Variants in IMPG1 observed in about 807,000 individuals in gnomAD.
IMPG1 encodes interphotoreceptor matrix proteoglycan 1, also known as interphotoreceptor matrix proteoglycan of 150 kDa.
IMPG1 carries 85 observed loss-of-function variants against 92.0 expected under a neutral mutation model. The ratio of observed to expected loss-of-function variants is 0.92; its 90% CI spans 0.78 to 1.11. The LOEUF is 1.11. Ranked by LOEUF, IMPG1 falls within the 50% of genes least tolerant of loss-of-function variation. The pLI, the probability that IMPG1 is intolerant of heterozygous loss-of-function variation, is 0.00. For missense variants in IMPG1, 1,022 were observed against 956.0 expected, an observed-to-expected ratio of 1.07 and a Z score of -0.91; for synonymous variants, 367 against 334.1, an observed-to-expected ratio of 1.10 and a Z score of -1.08.
rs1365352844 is a variant in IMPG1, at chr6:76,005,297, C to T, written c.1125G>A (p.Gln375=). Reference sequence around the variant, plus strand: ...CAATCATTAACTGACCATCAGTGAACTGAATTGTCCCCACATCCAAAGATT... The same window carrying T: ...CAATCATTAACTGACCATCAGTGAATTGAATTGTCCCCACATCCAAAGATT... ...EEQSLDVGTI[Q]FTDEIAGSLP... The change falls in exon 10 of 17, where the codon CAG becomes CAA. Residue 375 remains glutamine (Q), a synonymous_variant. Transcript: ENST00000369950. The T allele has an allele frequency of 6.2e-7, 1 of 1,613,918 alleles. No homozygotes were observed. Among genetic ancestry groups the T allele is most frequent in the South Asian group, 1.1e-5 (1 of 91,062 alleles).
At position 76,050,072 on chromosome 6, in the gene IMPG1, A is replaced by G. The variant is rs752652192; in HGVS notation, c.68-7946T>C. The stretch of plus-strand genomic sequence containing the variant: ...TTCAAACATTACTTTATCCTAAAAA[A>G]CAGTCAAATCTGCCCAAGGATGTGA... On this transcript the variant is annotated intron_variant, in intron 1 of 16. Coordinates refer to ENST00000369950, the MANE Select transcript of IMPG1 (RefSeq NM_001563.4). 2.0e-5 allele frequency among the ~76,000 whole-genome samples: 3 copies of G among 152,174 alleles called. No homozygotes were observed. The East Asian group carries it at 5.8e-4, about 29-fold the overall frequency.
At chr6:76,005,796 G>A (rs1197404671) in intron 9 of IMPG1, among the ~76,000 whole-genome samples, 1 of 151,854 alleles carries the variant, frequency 6.6e-6, no homozygotes, top group Non-Finnish European at 1.5e-5. Flanking sequence ...ACTGAATCAA[G>A]TGACCATAGA....
rs1346315449 is a variant in IMPG1 at position 76,035,567 on chromosome 6, A to G, written c.302-780T>C. On this transcript the variant is annotated intron_variant, in intron 2 of 16. Coordinates refer to ENST00000369950, the MANE Select transcript of IMPG1 (RefSeq NM_001563.4). ...GAACACAGATTGTGTAGGGTTTTGC[A>G]GACCAGCAGTCTCCAAACTGGAGTG... 3.3e-5 allele frequency among the ~76,000 whole-genome samples: 5 copies of G among 151,884 alleles called. No homozygotes were observed. In the East Asian group the frequency reaches 9.7e-4, roughly 29 times the overall value.
At chr6:75,953,369 C>A (rs1782066646) in intron 12 of IMPG1, among the ~76,000 whole-genome samples, 1 of 152,008 alleles carries the variant, frequency 6.6e-6, no homozygotes, top group Non-Finnish European at 1.5e-5. Context: ...CTGCATTCAT[C>A]AACACATCAT....
intron 4 of IMPG1, among the ~76,000 whole-genome samples, chr6:76,032,943 G>C (rs1413358978): frequency 2.6e-5 from 4 of 152,200 alleles, no homozygotes; most frequent in Admixed American, 2.6e-4. Flanking sequence ...TTCTGCCTCA[G>C]TGAAAGTTCT....
At chr6:75,975,516 T>G (rs1027146852) in intron 12 of IMPG1, among the ~76,000 whole-genome samples, 7 of 152,220 alleles carry the variant, frequency 4.6e-5, no homozygotes, top group African/African-American at 1.7e-4. Context: ...TTGTTGTCTC[T>G]CACTGAGCTA....
At chr6:75,974,824 C>A (rs748487417) in intron 12 of IMPG1, among the ~76,000 whole-genome samples, 42 of 151,982 alleles carry the variant, frequency 2.8e-4, no homozygotes, top group Non-Finnish European at 5.7e-4. Context: ...CCGGGATTTT[C>A]TTAATTGCAA....
At chr6:76,068,316 A>G (rs1784346114) in intron 1 of IMPG1, among the ~76,000 whole-genome samples, 1 of 152,136 alleles carries the variant, frequency 6.6e-6, no homozygotes, top group Non-Finnish European at 1.5e-5. Flanking sequence ...AGACTCCTAG[A>G]TTTGACAGAT....
chr6:76,021,273 C>T (rs566577305), intron 6 of IMPG1, among the ~76,000 whole-genome samples: 3 of 152,252 alleles, frequency 2.0e-5, no homozygotes, highest in Admixed American at 6.5e-5. Flanking sequence ...CAAATTGTCT[C>T]GCCTTTCTGT....
intron 12 of IMPG1, among the ~76,000 whole-genome samples, chr6:75,984,498 G>A (rs997697335): frequency 6.6e-6 from 1 of 152,190 alleles, no homozygotes; most frequent in African/African-American, 2.4e-5. Flanking sequence ...GACTTACACT[G>A]TATGAGGAAT....
chr6:76,032,463 A>C (rs1327795992), intron 4 of IMPG1, among the ~76,000 whole-genome samples: 5 of 152,208 alleles, frequency 3.3e-5, no homozygotes, highest in Admixed American at 3.3e-4. Flanking sequence ...TAAAATCTAT[A>C]AAAGAGTGGC....
chr6:76,027,559 G>T (rs1277728049), intron 4 of IMPG1, among the ~76,000 whole-genome samples: 1 of 152,144 alleles, frequency 6.6e-6, no homozygotes, highest in Non-Finnish European at 1.5e-5. Flanking sequence ...TAGGGTTAAA[G>T]GATTGTATTA....
rs2149451295 is a variant in IMPG1, at chr6:75,933,849, G to C, written c.2045-2698C>G. On this transcript the variant is annotated intron_variant, in intron 14 of 16. Coordinates refer to ENST00000369950, the MANE Select transcript of IMPG1 (RefSeq NM_001563.4). Reference sequence around the variant, plus strand: ...GCACAGTGCCAGGCACTTTCAACATGTGTCTTCAATAATATTCACAGCACC... The same window carrying C: ...GCACAGTGCCAGGCACTTTCAACATCTGTCTTCAATAATATTCACAGCACC... Among the ~76,000 whole-genome samples, 2 of 152,316 alleles carry C rather than the reference G, an allele frequency of 1.3e-5. 1 individual carries two copies. The highest frequency in any genetic ancestry group is 4.1e-4 in the South Asian group (2 of 4,830).
Position 75,931,063 on chromosome 6 carries a change from G to A in IMPG1, c.2133C>T (p.Arg711=). The A allele has an allele frequency of 1.2e-6, 2 of 1,614,198 alleles. No homozygotes were observed. The highest frequency in any genetic ancestry group is 1.7e-6 in the Non-Finnish European group (2 of 1,180,038). Residue 711 remains arginine, a synonymous_variant, in exon 15 of 17, where the codon CGC becomes CGT. Coordinates refer to ENST00000369950, the MANE Select transcript of IMPG1 (RefSeq NM_001563.4). The part of the protein sequence containing the change: ...KNERTEEAEC[R]CKPGYDSQGS... ...CCTGGCTGTCATATCCTGGTTTGCA[G>A]CGACACTCCGCTTCCTCAGTCCGTT...
At chr6:76,017,341 C>T (rs1562371170) in intron 7 of IMPG1, among the ~76,000 whole-genome samples, 1 of 152,096 alleles carries the variant, frequency 6.6e-6, no homozygotes, top group Non-Finnish European at 1.5e-5. Flanking sequence ...ATGGAAGAGA[C>T]ATCTTGGGAA....
At chr6:76,051,620 C>G (rs1225258753) in intron 1 of IMPG1, among the ~76,000 whole-genome samples, 1 of 152,174 alleles carries the variant, frequency 6.6e-6, no homozygotes, top group Admixed American at 6.5e-5. Flanking sequence ...CAGACTTTCA[C>G]AATCAGCATG....
At chr6:75,974,401 T>TTTCTTTCCTTCCTTCCTTCCTTGCTTCC (rs1562354905) in intron 12 of IMPG1, among the ~76,000 whole-genome samples, 6 of 92,824 alleles carry the variant, frequency 6.5e-5, no homozygotes, top group East Asian at 8.4e-4. Context: ...CTTTTCTTTC[T>TTTCTTTCCTTCCTTCCTTCCTTGCTTCC]TTCCTTCCTT....
At chr6:75,926,307 C>G (rs1646626413) in intron 15 of IMPG1, among the ~76,000 whole-genome samples, 2 of 152,198 alleles carry the variant, frequency 1.3e-5, no homozygotes, top group South Asian at 4.1e-4. Context: ...ACCCCTTCCT[C>G]CTACAAACCT....
chr6:75,984,046 T>C (rs1315370493), intron 12 of IMPG1, among the ~76,000 whole-genome samples: 1 of 152,154 alleles, frequency 6.6e-6, no homozygotes, highest in Non-Finnish European at 1.5e-5. Flanking sequence ...AGAATGGCTA[T>C]TATCAAAAAG....
Sources: gnomAD v4.1 joint callset for allele counts (sites outside exome capture counted in the v4.1 genomes callset) on GRCh38, gnomAD v4.1.1 for gene constraint, MANE v1.5 for transcripts, NCBI Gene and HGNC (gene_info 2026-07-23, HGNC 2026-07-21) for gene names.